Variants in KIF27 observed in about 807,000 individuals in gnomAD.
KIF27 encodes kinesin-like protein KIF27.
KIF27 carries 84 observed loss-of-function variants against 141.8 expected under a neutral mutation model. That is an observed-to-expected ratio of 0.59 (90% CI 0.50 to 0.71). KIF27 has a LOEUF of 0.71. Among genes scored for constraint, KIF27 ranks in the 30% least tolerant of loss-of-function variants. The probability of loss-of-function intolerance (pLI) is 0.00; values close to 1 mark genes in which losing one functional copy is unlikely to be tolerated. For missense variants in KIF27, 1,306 were observed against 1,628.4 expected (o/e 0.80, Z 3.41); for synonymous variants, 471 against 569.5 (o/e 0.83, Z 2.46).
At chr9:83,838,691 C>T (rs1946208021) in intron 17 of KIF27, 1 of 152,218 alleles carries the variant, frequency 6.6e-6, no homozygotes. Context: ...TATAGATTTA[C>T]AGCTTTTCTA....
intron 1 of KIF27, among the ~76,000 whole-genome samples, chr9:83,921,081 C>T (rs1236261542): frequency 6.6e-6 from 1 of 152,210 alleles, no homozygotes; most frequent in South Asian, 2.1e-4. Context: ...GGACCCGCTC[C>T]TCAGGGCTGA....
chr9:83,848,961 T>C (rs528607126), intron 16 of KIF27: 1 of 152,246 alleles, frequency 6.6e-6, no homozygotes, highest in African/African-American at 2.4e-5. Flanking sequence ...TACAGGTGTG[T>C]GCCACCACGC....
intron 10 of KIF27, among the ~76,000 whole-genome samples, chr9:83,880,762 T>C (rs2132204950): frequency 6.6e-6 from 1 of 152,332 alleles, no homozygotes; most frequent in Admixed American, 6.5e-5. Flanking sequence ...ATGATTTGCT[T>C]TTCATTAATA....
chr9:83,855,989 A>C (rs1033564114), intron 14 of KIF27, among the ~76,000 whole-genome samples: 17 of 152,204 alleles, frequency 1.1e-4, no homozygotes, highest in Admixed American at 7.2e-4. Context: ...GTTCCCTCTA[A>C]CTCAGCAATA....
chr9:83,879,780 T>A (rs540955870), intron 11 of KIF27, among the ~76,000 whole-genome samples: 1 of 152,324 alleles, frequency 6.6e-6, no homozygotes, highest in Non-Finnish European at 1.5e-5. Flanking sequence ...TTTGAACCTA[T>A]GATAGCCTGG....
At chr9:83,904,175 A>G (rs775490253) in intron 3 of KIF27, among the ~76,000 whole-genome samples, 157 bp from the exon 4 acceptor site, 1 of 152,238 alleles carries the variant, frequency 6.6e-6, no homozygotes, top group African/African-American at 2.4e-5. Context: ...ACATCATCAA[A>G]TAATTTTGGA....
intron 5 of KIF27, among the ~76,000 whole-genome samples, chr9:83,897,397 C>T (rs1233009547): frequency 6.6e-6 from 1 of 152,056 alleles, no homozygotes; most frequent in Non-Finnish European, 1.5e-5. Flanking sequence ...GATGCTAGAA[C>T]AAATGAATAT....
In KIF27 at chr9:83,834,771, T is replaced by C. The variant is rs2131389775; in HGVS notation, c.*2230A>G. Reference sequence around the variant, plus strand: ...TGCTAAGGGCACTGACCTTTGGCCATTATATATATCTATATCTATGTATAT... The same window carrying C: ...TGCTAAGGGCACTGACCTTTGGCCACTATATATATCTATATCTATGTATAT... On this transcript the variant is annotated 3_prime_UTR_variant, in exon 18 of 18. Coordinates refer to ENST00000297814, the MANE Select transcript of KIF27 (RefSeq NM_017576.4). Among the ~76,000 whole-genome samples, 1 of 150,856 alleles carries C rather than the reference T, an allele frequency of 6.6e-6. No homozygotes were observed. Among genetic ancestry groups the C allele is most frequent in the South Asian group, 2.1e-4 (1 of 4,810 alleles).
Position 83,888,477 on chromosome 9 carries a change from A to G in KIF27, c.2083+12T>C, listed in dbSNP as rs373055922. 3.1e-3 allele frequency: 4,053 copies of G among 1,316,910 alleles called. 11 individuals are homozygous for G. The highest frequency in any genetic ancestry group is 3.5e-3 in the Non-Finnish European group (3,259 of 936,508). The allele number at this position is 1,316,910 out of a possible 1,614,324, so 81.6% of individuals were successfully genotyped here. ...ACCATTAGGTCTACATTATTTAAGA[A>G]GATCTATGTACCTTCATTCTCCAAA... On this transcript the variant is annotated intron_variant, in intron 8 of 17. Coordinates refer to ENST00000297814, the MANE Select transcript of KIF27 (RefSeq NM_017576.4).
chr9:83,857,078 CAAAAAAAAA>C (rs1276481036), intron 14 of KIF27, among the ~76,000 whole-genome samples: 2 of 78,284 alleles, frequency 2.6e-5, no homozygotes, highest in Non-Finnish European at 5.6e-5. Flanking sequence ...TGGATTTTAC[CAAAAAAAAA>C]AAAAAAAAGC....
chr9:83,858,929 G>A (rs1431000122), intron 14 of KIF27: 3 of 547,436 alleles, frequency 5.5e-6, no homozygotes, highest in Admixed American at 6.3e-5. Flanking sequence ...ATGCCTGGCA[G>A]TGCCAGGAAG....
chr9:83,852,764 G>A (rs1948754586), intron 15 of KIF27, among the ~76,000 whole-genome samples: 1 of 152,060 alleles, frequency 6.6e-6, no homozygotes, highest in Admixed American at 6.6e-5. Context: ...AAGTATCTGG[G>A]ACTACAGGTG....
At chr9:83,893,808 G>A (rs1952912859) in intron 5 of KIF27, among the ~76,000 whole-genome samples, 1 of 152,032 alleles carries the variant, frequency 6.6e-6, no homozygotes, top group South Asian at 2.1e-4. Flanking sequence ...ACATACACTA[G>A]TGAGGATTAA....
In KIF27 at chr9:83,899,823, A is replaced by C. The variant is rs1445685500; in HGVS notation, c.1459-19T>G. 1 of 1,590,164 alleles carries C rather than the reference A, an allele frequency of 6.3e-7. No individual in the cohort carries two copies. Among genetic ancestry groups the C allele is most frequent in the East Asian group, 2.2e-5 (1 of 44,622 alleles). On this transcript the variant is annotated intron_variant, in intron 4 of 17. Coordinates refer to ENST00000297814, the MANE Select transcript of KIF27 (RefSeq NM_017576.4). ...GCACACACTAGTGGGGAAAGAAAGC[A>C]CAAGTGACATTCACCACAGAAAATA...
At chr9:83,914,795 T>C (rs1277556964) in intron 2 of KIF27, among the ~76,000 whole-genome samples, 1 of 152,220 alleles carries the variant, frequency 6.6e-6, no homozygotes, top group Non-Finnish European at 1.5e-5. Flanking sequence ...TGAGATCCTA[T>C]GATTCCATCT....
intron 6 of KIF27, 47 bp from the exon 7 acceptor site, chr9:83,889,300 A>G (rs769763190): frequency 6.5e-7 from 1 of 1,542,472 alleles, no homozygotes; most frequent in African/African-American, 1.4e-5. Context: ...TGATATTTTA[A>G]AAGTCTAATT....
At chr9:83,916,885 G>C (rs940868998) in intron 1 of KIF27, among the ~76,000 whole-genome samples, 3 of 151,936 alleles carry the variant, frequency 2.0e-5, no homozygotes, top group Non-Finnish European at 4.4e-5. Flanking sequence ...GGACGGTCTC[G>C]ATCTCCTGAC....
At chr9:83,878,177 A>AG (rs1951368583) in intron 11 of KIF27, among the ~76,000 whole-genome samples, 1 of 105,686 alleles carries the variant, frequency 9.5e-6, no homozygotes, top group Non-Finnish European at 1.8e-5. Flanking sequence ...AAAAAAAAAA[A>AG]AAAAAAAAAA....
chr9:83,916,067 T>C (rs1955646617), intron 1 of KIF27, among the ~76,000 whole-genome samples: 1 of 152,178 alleles, frequency 6.6e-6, no homozygotes, highest in South Asian at 2.1e-4. Context: ...TTTTTTGAGA[T>C]GGAGTCTAGG....
Sources: allele counts gnomAD v4.1 joint callset (sites outside exome capture counted in the v4.1 genomes callset), GRCh38; gene constraint gnomAD v4.1.1; transcripts MANE v1.5; gene names NCBI Gene and HGNC (gene_info 2026-07-23, HGNC 2026-07-21).